GALNT17: variants seen among roughly 807,000 people sequenced by gnomAD.
GALNT17 encodes the protein UDP-GalNAc:polypeptide N-acetylgalactosaminyltransferase-like 3.
Under a neutral mutation model 63.7 loss-of-function variants are expected in GALNT17, and 29 were observed. The observed-to-expected ratio is 0.46, with a 90% CI of 0.34 to 0.62. The LOEUF (loss-of-function observed/expected upper bound fraction) is 0.62. Ranked by LOEUF, GALNT17 falls within the 20% of genes least tolerant of loss-of-function variation. The probability of loss-of-function intolerance (pLI) is 0.01; values close to 1 mark genes in which losing one functional copy is unlikely to be tolerated. For synonymous variants in GALNT17, 305 were observed against 318.3 expected (o/e 0.96, Z 0.45); for missense variants, 603 against 799.6 (o/e 0.75, Z 2.97).
At chr7:71,323,179 AAG>A (rs1200754187) in intron 1 of GALNT17, among the ~76,000 whole-genome samples, 13 of 152,196 alleles carry the variant, frequency 8.5e-5, no homozygotes, top group Non-Finnish European at 1.5e-4. Context: ...ATTGATGTAG[AAG>A]AAAAAAATAA....
At chr7:71,419,294 T>G (rs1280998460) in intron 4 of GALNT17, among the ~76,000 whole-genome samples, 1 of 152,148 alleles carries the variant, frequency 6.6e-6, no homozygotes, top group Non-Finnish European at 1.5e-5. Context: ...CTACCACCAC[T>G]TGGCTGTATA....
intron 9 of GALNT17, among the ~76,000 whole-genome samples, chr7:71,679,061 G>T (rs966740378): frequency 3.9e-5 from 6 of 152,094 alleles, no homozygotes; most frequent in African/African-American, 4.8e-5. Flanking sequence ...GGGAGTAGGA[G>T]ATTGGCTGGG....
intron 1 of GALNT17, among the ~76,000 whole-genome samples, chr7:71,230,562 G>C (rs181066531): frequency 1.3e-5 from 2 of 152,336 alleles, no homozygotes; most frequent in Admixed American, 1.3e-4. Flanking sequence ...CTTAGCTGCA[G>C]AGGAGGCCGG....
intron 1 of GALNT17, among the ~76,000 whole-genome samples, chr7:71,183,565 T>TC (rs909235825): frequency 1.1e-4 from 16 of 151,992 alleles, no homozygotes; most frequent in Non-Finnish European, 1.9e-4. Context: ...CTTGGAGAAT[T>TC]CCCCATGGAG....
At chr7:71,281,031 C>T (rs943849640) in intron 1 of GALNT17, among the ~76,000 whole-genome samples, 1 of 152,160 alleles carries the variant, frequency 6.6e-6, no homozygotes, top group Non-Finnish European at 1.5e-5. Flanking sequence ...TAGATAGTTT[C>T]AGCACAGAAA....
chr7:71,334,809 C>A (rs1200844149), intron 1 of GALNT17, among the ~76,000 whole-genome samples: 2 of 152,162 alleles, frequency 1.3e-5, no homozygotes, highest in Non-Finnish European at 2.9e-5. Context: ...TTAAATAAAA[C>A]CATTAGGGAA....
chr7:71,431,356 A>G (rs1461270065), intron 5 of GALNT17, among the ~76,000 whole-genome samples: 1 of 151,490 alleles, frequency 6.6e-6, no homozygotes, highest in Non-Finnish European at 1.5e-5. Flanking sequence ...GACTACAGGC[A>G]TGCACCACCA....
intron 5 of GALNT17, among the ~76,000 whole-genome samples, chr7:71,485,635 C>T (rs1314533681): frequency 6.6e-6 from 1 of 152,196 alleles, no homozygotes; most frequent in Non-Finnish European, 1.5e-5. Context: ...TCCACTGTAT[C>T]TATTCCAATT....
intron 9 of GALNT17, among the ~76,000 whole-genome samples, chr7:71,703,431 C>T (rs1791680585): frequency 6.6e-6 from 1 of 152,182 alleles, no homozygotes; most frequent in Non-Finnish European, 1.5e-5. Flanking sequence ...ACAACCAGAT[C>T]TTGCATTAAC....
At chr7:71,542,675 G>A (rs1436423241) in intron 5 of GALNT17, among the ~76,000 whole-genome samples, 2 of 130,992 alleles carry the variant, frequency 1.5e-5, no homozygotes, top group East Asian at 4.2e-4. Flanking sequence ...CAGCCTGAGC[G>A]ACAGAGTGAG....
At chr7:71,500,909 C>T (rs1048475182) in intron 5 of GALNT17, among the ~76,000 whole-genome samples, 2 of 152,138 alleles carry the variant, frequency 1.3e-5, no homozygotes, top group Non-Finnish European at 1.5e-5. Flanking sequence ...AGTTTAGATT[C>T]CAGGGCTCAT....
In GALNT17 at chr7:71,207,125, C is replaced by G. The variant is rs539358569; in HGVS notation, c.238+74085C>G. 8.8e-4 allele frequency among the ~76,000 whole-genome samples: 134 copies of G among 151,802 alleles called. 2 individuals are homozygous for G. The highest frequency in any genetic ancestry group is 1.7e-3 in the South Asian group (8 of 4,800). On this transcript the variant is annotated intron_variant, in intron 1 of 10. Coordinates refer to ENST00000333538, the MANE Select transcript of GALNT17 (RefSeq NM_022479.3). The stretch of plus-strand genomic sequence containing the variant: ...TGTCTCAAAGAAAAAAAAAAAAGAC[C>G]GATCAGTAGCAGAATCAACCAGCCT...
At chr7:71,253,552 C>T (rs531002514) in intron 1 of GALNT17, among the ~76,000 whole-genome samples, 3 of 151,254 alleles carry the variant, frequency 2.0e-5, no homozygotes, top group African/African-American at 7.3e-5. Context: ...TTCCTTACTG[C>T]CTACTCTTTT....
intron 9 of GALNT17, among the ~76,000 whole-genome samples, chr7:71,690,152 G>A (rs1791420697): frequency 6.6e-6 from 1 of 151,820 alleles, no homozygotes; most frequent in Non-Finnish European, 1.5e-5. Context: ...AGCCTCCCGA[G>A]TAGCTGGGAC....
intron 1 of GALNT17, among the ~76,000 whole-genome samples, chr7:71,185,522 C>CTTTT (rs747181057): frequency 4.8e-5 from 6 of 124,612 alleles, no homozygotes; most frequent in African/African-American, 6.2e-5. Context: ...CGTTTCTTTT[C>CTTTT]TTTTTTTTTT....
intron 6 of GALNT17, among the ~76,000 whole-genome samples, chr7:71,584,454 A>G (rs373902861): frequency 6.6e-6 from 1 of 152,276 alleles, no homozygotes; most frequent in African/African-American, 2.4e-5. Flanking sequence ...GTTACTGCTC[A>G]TTGACTTTTT....
At chr7:71,134,516 C>T (rs971012926) in intron 1 of GALNT17, among the ~76,000 whole-genome samples, 18 of 152,062 alleles carry the variant, frequency 1.2e-4, no homozygotes, top group African/African-American at 3.9e-4. Flanking sequence ...GGTGAAAGGA[C>T]GCTGCGGTCT....
chr7:71,329,803 T>C (rs1225105532), intron 1 of GALNT17, among the ~76,000 whole-genome samples: 1 of 152,038 alleles, frequency 6.6e-6, no homozygotes, highest in Non-Finnish European at 1.5e-5. Context: ...CACTGGGGAT[T>C]ATAATTCAAT....
chr7:71,216,225 A>G (rs1208201298), intron 1 of GALNT17, among the ~76,000 whole-genome samples: 1 of 152,008 alleles, frequency 6.6e-6, no homozygotes, highest in Non-Finnish European at 1.5e-5. Flanking sequence ...ACAAACAAAC[A>G]CCAAAACATG....
Sources: allele counts gnomAD v4.1 joint callset (sites outside exome capture counted in the v4.1 genomes callset), GRCh38; gene constraint gnomAD v4.1.1; transcripts MANE v1.5; gene names NCBI Gene and HGNC (gene_info 2026-07-23, HGNC 2026-07-21).